Variants in MTHFS observed in about 807,000 individuals in gnomAD.
MTHFS encodes 5-formyltetrahydrofolate cyclo-ligase.
MTHFS carries 7 observed loss-of-function variants against 12.7 expected under a neutral mutation model. The observed-to-expected ratio is 0.55, with a 90% CI of 0.31 to 1.03. MTHFS has a LOEUF of 1.03. MTHFS is among the 50% of genes least tolerant of loss of function. The pLI is 0.05. For missense variants in MTHFS, 252 were observed against 258.1 expected, an observed-to-expected ratio of 0.98 and a Z score of 0.16; for synonymous variants, 100 against 97.1, an observed-to-expected ratio of 1.03 and a Z score of -0.18.
At position 79,844,542 on chromosome 15, in the gene MTHFS, A is replaced by G. The variant is rs2033575377; in HGVS notation, c.*668T>C. On this transcript the variant is annotated 3_prime_UTR_variant, in exon 3 of 3. Coordinates refer to ENST00000258874, the MANE Select transcript of MTHFS (RefSeq NM_006441.4). ...AAATTTCATTTCCAAAGCAGAAACCATGAGTAAACAGAAATAATTTCTAAC... is the reference window on the plus strand; with the variant it reads ...AAATTTCATTTCCAAAGCAGAAACCGTGAGTAAACAGAAATAATTTCTAAC... Among the ~76,000 whole-genome samples, 6 of 152,296 alleles carry G rather than the reference A, an allele frequency of 3.9e-5. No individual in the cohort carries two copies. In the South Asian group the frequency reaches 1.0e-3, roughly 26 times the overall value.
chr15:79,844,328 T>C lies in MTHFS; in HGVS notation c.*882A>G, dbSNP rs2033571053. 1.3e-5 allele frequency: 2 copies of C among 151,892 alleles called. No homozygotes were observed. The highest frequency in any genetic ancestry group is 1.9e-4 in the East Asian group (1 of 5,174). The allele number at this position is 151,892 out of a possible 1,614,324, so 9.4% of individuals were successfully genotyped here. A position where few individuals can be genotyped will look rare whatever the true frequency, so the allele number is the denominator to read the frequency against. Reference sequence around the variant, plus strand: ...CTGGACAAAAGGAGTGACAGGAAAATTGAAAGGAGAGAATAGATTTAAGAG... The same window carrying C: ...CTGGACAAAAGGAGTGACAGGAAAACTGAAAGGAGAGAATAGATTTAAGAG... On this transcript the variant is annotated 3_prime_UTR_variant, in exon 3 of 3. Coordinates refer to ENST00000258874, the MANE Select transcript of MTHFS (RefSeq NM_006441.4).
intron 2 of MTHFS, among the ~76,000 whole-genome samples, chr15:79,852,755 C>T (rs574027635): frequency 2.6e-5 from 4 of 152,194 alleles, no homozygotes; most frequent in Non-Finnish European, 4.4e-5. Flanking sequence ...CTGGATGACA[C>T]GGGTCATTCT....
intron 2 of MTHFS, among the ~76,000 whole-genome samples, chr15:79,853,741 C>T (rs1016477970): frequency 5.9e-5 from 9 of 152,192 alleles, no homozygotes; most frequent in African/African-American, 2.2e-4. Flanking sequence ...ACTGCTCAAG[C>T]CTTAGGCAGA....
intron 2 of MTHFS, among the ~76,000 whole-genome samples, chr15:79,868,363 G>A (rs1461187707): frequency 1.3e-5 from 2 of 152,162 alleles, no homozygotes; most frequent in Non-Finnish European, 2.9e-5. Context: ...TTTCTGTGTG[G>A]AGCAGATTAT....
intron 1 of MTHFS, among the ~76,000 whole-genome samples, chr15:79,892,180 C>T (rs535130642): frequency 6.6e-6 from 1 of 151,902 alleles, no homozygotes; most frequent in Non-Finnish European, 1.5e-5. Flanking sequence ...AAAATATACT[C>T]TAATAAGATG....
rs185659882 is a variant in MTHFS, at chr15:79,878,519, G to A, written c.379+10574C>T. On this transcript the variant is annotated intron_variant, in intron 2 of 2. Transcript: ENST00000258874. The stretch of plus-strand genomic sequence containing the variant: ...TCAGATGGCCATTATCTAGTTTGCC[G>A]TAGTGCCTAGCAAGGCTTATTCCAT... Among the ~76,000 whole-genome samples the A allele has an allele frequency of 3.8e-3, 559 of 148,458 alleles. 2 individuals carry two copies. The highest frequency in any genetic ancestry group is 5.6e-3 in the Non-Finnish European group (375 of 67,314).
intron 2 of MTHFS, among the ~76,000 whole-genome samples, chr15:79,849,328 A>G (rs1429772930): frequency 6.6e-6 from 1 of 152,074 alleles, no homozygotes; most frequent in Non-Finnish European, 1.5e-5. Flanking sequence ...GCTTGACTTT[A>G]TTTGTTGTCA....
At chr15:79,886,721 C>T (rs905525175) in intron 2 of MTHFS, among the ~76,000 whole-genome samples, 2 of 152,136 alleles carry the variant, frequency 1.3e-5, no homozygotes, top group Non-Finnish European at 2.9e-5. Flanking sequence ...TTTTCTGTCT[C>T]ATCAGCTATA....
rs544683439 is a variant in MTHFS, at chr15:79,844,722, G to C, written c.*488C>G. Among the ~76,000 whole-genome samples, 3 of 152,262 alleles carry C rather than the reference G, an allele frequency of 2.0e-5. No individual in the cohort carries two copies. The highest frequency in any genetic ancestry group is 7.2e-5 in the African/African-American group (3 of 41,534). On this transcript the variant is annotated 3_prime_UTR_variant, in exon 3 of 3. Transcript: ENST00000258874. ...AACATAAAATTCTAGAGTGGGTAAA[G>C]GAAGTCATGATGAAGTGAGATAATA... is the stretch of plus-strand genomic sequence containing the variant.
rs2033574783 is a variant in MTHFS at position 79,844,507 on chromosome 15, A to T, written c.*703T>A. On this transcript the variant is annotated 3_prime_UTR_variant, in exon 3 of 3. Coordinates refer to ENST00000258874, the MANE Select transcript of MTHFS (RefSeq NM_006441.4). ...GCTGTGTTGCCATCTGCCAACTTTC[A>T]ACTCACAGCAAATTTCATTTCCAAA... Among the ~76,000 whole-genome samples, 1 of 152,162 alleles carries T rather than the reference A, an allele frequency of 6.6e-6. No individual in the cohort carries two copies.
intron 2 of MTHFS, among the ~76,000 whole-genome samples, chr15:79,856,512 C>A (rs12909836): frequency 0.14 from 21,970 of 151,596 alleles, 1,919 homozygotes; most frequent in African/African-American, 0.24. Flanking sequence ...GTCACACACA[C>A]AAAAAAACAA....
chr15:79,874,994 C>T (rs28770827), intron 2 of MTHFS, among the ~76,000 whole-genome samples: 6,248 of 151,884 alleles, frequency 0.041, 381 homozygotes, highest in East Asian at 0.26. Context: ...GGTCCTGAGG[C>T]GACACACATC....
intron 2 of MTHFS, among the ~76,000 whole-genome samples, chr15:79,885,463 C>T (rs2034366135): frequency 6.6e-6 from 1 of 152,198 alleles, no homozygotes; most frequent in African/African-American, 2.4e-5. Context: ...AGTATCCATT[C>T]CCCCTTGTTC....
chr15:79,873,337 T>G (rs1193798864), intron 2 of MTHFS, among the ~76,000 whole-genome samples: 1 of 152,156 alleles, frequency 6.6e-6, no homozygotes, highest in African/African-American at 2.4e-5. Flanking sequence ...AGGATATTAA[T>G]AGCACCCATG....
intron 2 of MTHFS, among the ~76,000 whole-genome samples, chr15:79,847,160 T>C (rs1179837980): frequency 6.6e-6 from 1 of 151,596 alleles, no homozygotes; most frequent in Non-Finnish European, 1.5e-5. Context: ...TGTGTCAGAG[T>C]TGGGTCTAAG....
At chr15:79,879,054 A>C (rs1037908637) in intron 2 of MTHFS, among the ~76,000 whole-genome samples, 2 of 152,170 alleles carry the variant, frequency 1.3e-5, no homozygotes, top group African/African-American at 4.8e-5. Flanking sequence ...AATTTAATAC[A>C]TAGCTTAAAA....
chr15:79,873,241 A>T (rs1255389365), intron 2 of MTHFS, among the ~76,000 whole-genome samples: 1 of 152,124 alleles, frequency 6.6e-6, no homozygotes, highest in Non-Finnish European at 1.5e-5. Flanking sequence ...CTGGGTCTTA[A>T]TATTATTTCT....
At chr15:79,853,231 T>C (rs2033745471) in intron 2 of MTHFS, among the ~76,000 whole-genome samples, 2 of 152,192 alleles carry the variant, frequency 1.3e-5, no homozygotes, top group African/African-American at 4.8e-5. Context: ...CTCTTCTATA[T>C]GGTTTACATT....
intron 2 of MTHFS, among the ~76,000 whole-genome samples, chr15:79,862,048 G>C (rs1437158792): frequency 6.6e-6 from 1 of 151,948 alleles, no homozygotes; most frequent in Admixed American, 6.6e-5. Flanking sequence ...ATGAATGAAT[G>C]AATTGTTGCT....
Sources: allele counts gnomAD v4.1 joint callset (sites outside exome capture counted in the v4.1 genomes callset), GRCh38; gene constraint gnomAD v4.1.1; transcripts MANE v1.5; gene names NCBI Gene and HGNC (gene_info 2026-07-23, HGNC 2026-07-21).